Variants in SPAST observed in about 807,000 individuals in gnomAD.
SPAST encodes spastin.
Under a neutral mutation model 76.6 loss-of-function variants are expected in SPAST, and 30 were observed. The ratio of observed to expected loss-of-function variants is 0.39; its 90% CI spans 0.29 to 0.53. The LOEUF (loss-of-function observed/expected upper bound fraction) is 0.53. Among genes scored for constraint, SPAST ranks in the 20% least tolerant of loss-of-function variants. SPAST has a pLI of 0.68. For missense variants in SPAST, 717 were observed against 770.5 expected (o/e 0.93, Z 0.82); for synonymous variants, 305 against 281.0 (o/e 1.09, Z -0.86).
At chr2:32,103,629 C>T (rs1678208333) in intron 4 of SPAST, among the ~76,000 whole-genome samples, 1 of 152,076 alleles carries the variant, frequency 6.6e-6, no homozygotes, top group Non-Finnish European at 1.5e-5. Flanking sequence ...CCTCTACACA[C>T]TACTTTAAAT....
At chr2:32,112,289 A>G (rs374916377) in intron 4 of SPAST, among the ~76,000 whole-genome samples, 45 of 151,142 alleles carry the variant, frequency 3.0e-4, no homozygotes, top group Middle Eastern at 3.5e-3. Context: ...CTGTTGCTCT[A>G]TCAAGTAGTA....
At chr2:32,121,190 T>G (rs1467859804) in intron 7 of SPAST, among the ~76,000 whole-genome samples, 2 of 152,176 alleles carry the variant, frequency 1.3e-5, no homozygotes, top group Non-Finnish European at 2.9e-5. Context: ...CTCACTCTTC[T>G]CACCCAGGCT....
At chr2:32,074,446 T>G (rs1428328332) in intron 1 of SPAST, among the ~76,000 whole-genome samples, 1 of 152,076 alleles carries the variant, frequency 6.6e-6, no homozygotes, top group Non-Finnish European at 1.5e-5. Flanking sequence ...AAGGTTTAGC[T>G]GATAGTAGTA....
rs771647383 is a variant in SPAST, at chr2:32,136,959, A to T, written c.1404A>T (p.Glu468Asp). The stretch of plus-strand genomic sequence containing the variant: ...GCCTAAAAACTGAATTTCTAATAGA[A>T]TTTGATGGTGTAAGTGTTGATTATG... ...SRRLKTEFLIEFDGVQSAGDD... is the reference protein window; with the variant it reads ...SRRLKTEFLIDFDGVQSAGDD... The change falls in exon 11 of 17, where the codon GAA (glutamate) becomes GAT (aspartate). Residue 468 changes from glutamate to aspartate, a missense_variant. Transcript: ENST00000315285. The T allele has an allele frequency of 6.2e-7, 1 of 1,611,756 alleles. No homozygotes were observed. Among genetic ancestry groups the T allele is most frequent in the Non-Finnish European group, 8.5e-7 (1 of 1,177,980 alleles).
At chr2:32,090,835 A>C (rs2148711438) in intron 3 of SPAST, among the ~76,000 whole-genome samples, 1 of 152,302 alleles carries the variant, frequency 6.6e-6, no homozygotes, top group East Asian at 1.9e-4. Flanking sequence ...AGCCTTGATC[A>C]CATTGAAAGT....
chr2:32,073,875 C>G (rs1320857912), intron 1 of SPAST, among the ~76,000 whole-genome samples: 1 of 152,172 alleles, frequency 6.6e-6, no homozygotes, highest in Non-Finnish European at 1.5e-5. Context: ...TGTAGATATT[C>G]TGTAGACTTG....
chr2:32,109,468 C>T lies in SPAST; in HGVS notation c.683-5170C>T, dbSNP rs539403422. The stretch of plus-strand genomic sequence containing the variant: ...AGAATATTCCCCTTCTGTTTCTTTC[C>T]TCTCACGTAGCAACCTTCACCCCTA... On this transcript the variant is annotated intron_variant, in intron 4 of 16. Transcript: ENST00000315285. Among the ~76,000 whole-genome samples, 42 of 152,154 alleles carry T rather than the reference C, an allele frequency of 2.8e-4. 1 individual carries two copies. In the East Asian group the frequency reaches 7.9e-3, roughly 29 times the overall value.
intron 3 of SPAST, among the ~76,000 whole-genome samples, chr2:32,094,611 CT>C (rs1194601618): frequency 6.6e-6 from 1 of 152,190 alleles, no homozygotes; most frequent in African/African-American, 2.4e-5. Flanking sequence ...ACACGCAGGG[CT>C]GTAAAGGCCA....
At chr2:32,145,455 G>T (rs1392747509) in intron 15 of SPAST, among the ~76,000 whole-genome samples, 1 of 152,146 alleles carries the variant, frequency 6.6e-6, no homozygotes, top group East Asian at 1.9e-4. Flanking sequence ...AGTAGACTGT[G>T]ACCCCTGTTC....
At chr2:32,112,742 A>G (rs927120517) in intron 4 of SPAST, among the ~76,000 whole-genome samples, 1 of 152,204 alleles carries the variant, frequency 6.6e-6, no homozygotes, top group African/African-American at 2.4e-5. Context: ...GGTTGTCTAA[A>G]TAAATAAGCT....
At chr2:32,075,100 G>A (rs373342980) in intron 1 of SPAST, among the ~76,000 whole-genome samples, 5 of 152,026 alleles carry the variant, frequency 3.3e-5, no homozygotes, top group African/African-American at 7.2e-5. Context: ...CAGCATAAAC[G>A]AGATATGGGG....
intron 13 of SPAST, among the ~76,000 whole-genome samples, chr2:32,142,625 G>T (rs1679755965): frequency 6.6e-6 from 1 of 151,982 alleles, no homozygotes; most frequent in Admixed American, 6.6e-5. Context: ...GTGTTAGCCA[G>T]GATGGTGTGA....
chr2:32,142,837 A>C (rs1321249613), intron 13 of SPAST, among the ~76,000 whole-genome samples: 1 of 152,214 alleles, frequency 6.6e-6, no homozygotes, highest in East Asian at 1.9e-4. Context: ...GCACATCTAT[A>C]AATGTATTAA....
chr2:32,074,162 A>G (rs893718960), intron 1 of SPAST, among the ~76,000 whole-genome samples: 1 of 152,202 alleles, frequency 6.6e-6, no homozygotes, highest in African/African-American at 2.4e-5. Flanking sequence ...TCTGATTTGG[A>G]TGCTACCAGG....
At chr2:32,108,700 C>T (rs912965401) in intron 4 of SPAST, among the ~76,000 whole-genome samples, 1 of 150,258 alleles carries the variant, frequency 6.7e-6, no homozygotes, top group African/African-American at 2.5e-5. Flanking sequence ...TTTCTGCCGC[C>T]TCAGACTCCC....
chr2:32,064,148 C>CGCCGGT lies in SPAST; in HGVS notation c.323_328dup (p.Val108_Pro109dup), dbSNP rs769738677. 5 of 1,560,280 alleles carry CGCCGGT rather than the reference C, an allele frequency of 3.2e-6. No individual in the cohort carries two copies. In the African/African-American group the frequency reaches 6.8e-5, roughly 21 times the overall value. On this transcript the variant is annotated inframe_insertion, in exon 1 of 17. Coordinates refer to ENST00000315285, the MANE Select transcript of SPAST (RefSeq NM_014946.4). ...GCACCTGCCTCGGCCTCGGCCCCGGCGCCGGTGCCGGGCGGCGAGGCCGAG... is the reference window on the plus strand; with the variant it reads ...GCACCTGCCTCGGCCTCGGCCCCGGCGCCGGTGCCGGTGCCGGGCGGCGAGGCCGAG...
chr2:32,145,023 C>A lies in SPAST; in HGVS notation c.1687+16C>A. On this transcript the variant is annotated intron_variant, in intron 15 of 16. Coordinates refer to ENST00000315285, the MANE Select transcript of SPAST (RefSeq NM_014946.4). ...CCTATCCGAGGTAGGTATACAAGAG[C>A]TTAAAACATTTAGAACTATTTATTA... is the stretch of plus-strand genomic sequence containing the variant. 1 of 1,587,808 alleles carries A rather than the reference C, an allele frequency of 6.3e-7. No homozygotes were observed. Among genetic ancestry groups the A allele is most frequent in the Non-Finnish European group, 8.6e-7 (1 of 1,157,610 alleles).
At chr2:32,106,264 G>T (rs1396727696) in intron 4 of SPAST, among the ~76,000 whole-genome samples, 1 of 152,186 alleles carries the variant, frequency 6.6e-6, no homozygotes, top group Non-Finnish European at 1.5e-5. Flanking sequence ...TCTGAGCCAG[G>T]CATGGGATAT....
intron 4 of SPAST, among the ~76,000 whole-genome samples, chr2:32,108,966 A>G (rs377648603): frequency 7.9e-5 from 12 of 151,722 alleles, no homozygotes; most frequent in African/African-American, 2.4e-4. Flanking sequence ...GAGTTTCACC[A>G]TGTTGGCCAG....
Sources: gnomAD v4.1 joint callset for allele counts (sites outside exome capture counted in the v4.1 genomes callset) on GRCh38, gnomAD v4.1.1 for gene constraint, MANE v1.5 for transcripts, NCBI Gene and HGNC (gene_info 2026-07-23, HGNC 2026-07-21) for gene names.